Variants in ACSL4 observed in about 807,000 individuals in gnomAD.
ACSL4 encodes the protein long-chain-fatty-acid--CoA ligase 4.
In ACSL4, 9 loss-of-function variants were observed where a neutral mutation model predicts 49.1. The observed-to-expected ratio is 0.18, with a 90% CI of 0.11 to 0.32. The LOEUF is 0.32. ACSL4 is among the 10% of genes least tolerant of loss of function. ACSL4 has a pLI of 1.00. For synonymous variants in ACSL4, 191 were observed against 170.3 expected (o/e 1.12, Z -0.95); for missense variants, 333 against 493.7 (o/e 0.67, Z 3.08).
chrX:109,653,364 A>C (rs1023936956), intron 15 of ACSL4, among the ~76,000 whole-genome samples: 2 of 111,774 alleles, frequency 1.8e-5, no homozygotes, highest in Non-Finnish European at 3.8e-5. Flanking sequence ...TGGGATTGTA[A>C]ACTAGTTCAA....
intron 2 of ACSL4, chrX:109,695,544 C>A (rs183309643): frequency 9.1e-6 from 1 of 109,400 alleles, no homozygotes; most frequent in African/African-American, 3.3e-5. Context: ...TGATGAAACC[C>A]CGTCTCTACT....
chrX:109,647,194 C>A (rs1342092658), intron 15 of ACSL4, among the ~76,000 whole-genome samples: 5 of 111,484 alleles, frequency 4.5e-5, no homozygotes, highest in Non-Finnish European at 9.4e-5. Context: ...CTACAGAACT[C>A]TCCACTCCAA....
intron 15 of ACSL4, among the ~76,000 whole-genome samples, chrX:109,652,861 T>C (rs1336039221): frequency 9.0e-6 from 1 of 111,446 alleles, no homozygotes; most frequent in Non-Finnish European, 1.9e-5. Context: ...TTTATAGGTA[T>C]AAAATAAATA....
Position 109,668,271 on chromosome X carries a change from A to G in ACSL4, c.1145T>C (p.Leu382Ser), listed in dbSNP as rs1922851704. 1 of 1,193,355 alleles carries G rather than the reference A, an allele frequency of 8.4e-7. No homozygotes were observed. The highest frequency in any genetic ancestry group is 1.8e-5 in the African/African-American group (1 of 56,708). ...KGYDAPLCNL[L>S]LFKKVKALLG... ...CAGGGCCTTGACCTTTTTAAACAGTAACCTTAATAAAGGGAGGATAAATGA... is the reference window on the plus strand; with the variant it reads ...CAGGGCCTTGACCTTTTTAAACAGTGACCTTAATAAAGGGAGGATAAATGA... The change falls in exon 11 of 16, where the codon TTA (leucine) becomes TCA (serine). Residue 382 changes from leucine to serine, a missense_variant and splice_region_variant. Around this residue, in one of 3 missense-constraint regions of ACSL4, gnomAD observed 175 missense variants for 275.8 expected, o/e 0.63. Transcript: ENST00000672401.
chrX:109,701,989 C>G (rs1321940540), intron 1 of ACSL4, among the ~76,000 whole-genome samples: 1 of 104,241 alleles, frequency 9.6e-6, no homozygotes, highest in Non-Finnish European at 2.0e-5. Flanking sequence ...GTGGGTGGAT[C>G]ACCTGAGGTC....
rs1924286464 is a variant in ACSL4 at position 109,682,911 on chromosome X, C to A, written c.229-15G>T. On this transcript the variant is annotated splice_polypyrimidine_tract_variant and intron_variant, in intron 3 of 15. Transcript: ENST00000672401. ...CCAAGAATTAACTGTTAAAGTGATA[C>A]ATTCTCTAATATTAGTATATTCAAA... 1 of 1,185,474 alleles carries A rather than the reference C, an allele frequency of 8.4e-7. No individual in the cohort carries two copies. Among genetic ancestry groups the A allele is most frequent in the African/African-American group, 1.8e-5 (1 of 56,751 alleles).
intron 15 of ACSL4, 95 bp downstream of exon 15, chrX:109,659,259 T>C: frequency 1.2e-6 from 1 of 845,739 alleles, no homozygotes; most frequent in Non-Finnish European, 1.7e-6. Flanking sequence ...AATCCTGTAT[T>C]TTATTATTAA....
Position 109,659,638 on chromosome X carries a change from G to C in ACSL4, c.1698-127C>G. 8.3e-6 allele frequency: 4 copies of C among 481,639 alleles called. No individual in the cohort carries two copies. The South Asian group carries it at 1.4e-4, about 17-fold the overall frequency. 39.7% of individuals were successfully genotyped at this position (481,639 alleles called of 1,213,427 possible). A position where few individuals can be genotyped will look rare whatever the true frequency, so the allele number is the denominator to read the frequency against. On this transcript the variant is annotated intron_variant, in intron 14 of 15. Transcript: ENST00000672401. ...TCTCTTATTTATTAAAGTTTCATTA[G>C]GAAATGATAAAACCCATAGTACCAG... is the stretch of plus-strand genomic sequence containing the variant.
chrX:109,704,092 T>G (rs1215060437), intron 1 of ACSL4, among the ~76,000 whole-genome samples: 2 of 110,996 alleles, frequency 1.8e-5, no homozygotes, highest in East Asian at 5.6e-4. Flanking sequence ...TCCCTCGCAT[T>G]TCTTAGAAGT....
chrX:109,681,231 C>A, intron 5 of ACSL4, 35 bp downstream of exon 5: 1 of 1,199,508 alleles, frequency 8.3e-7, no homozygotes, highest in Non-Finnish European at 1.1e-6. Context: ...TGCCAGACAA[C>A]GCAACCATGA....
intron 8 of ACSL4, among the ~76,000 whole-genome samples, chrX:109,676,970 T>C (rs1256973727): frequency 9.0e-6 from 1 of 111,386 alleles, no homozygotes; most frequent in African/African-American, 3.3e-5. Context: ...CTTAATTTTT[T>C]TTTTTTTGAG....
intron 1 of ACSL4, among the ~76,000 whole-genome samples, chrX:109,704,947 C>T (rs765353934): frequency 1.9e-3 from 211 of 111,103 alleles, no homozygotes; most frequent in African/African-American, 6.5e-3. Flanking sequence ...CTCTCACACA[C>T]ACACACACAC....
At chrX:109,701,215 A>G (rs985944772) in intron 1 of ACSL4, among the ~76,000 whole-genome samples, 1 of 110,205 alleles carries the variant, frequency 9.1e-6, no homozygotes, top group Non-Finnish European at 1.9e-5. Context: ...TAATACACAC[A>G]TACATTTTTT....
chrX:109,689,087 T>C (rs1258782514), intron 2 of ACSL4, among the ~76,000 whole-genome samples: 2 of 111,532 alleles, frequency 1.8e-5, no homozygotes, highest in Non-Finnish European at 3.8e-5. Flanking sequence ...TCACCCAGTC[T>C]TGCCCATCTC....
At chrX:109,732,418 C>T (rs1262723366) in intron 1 of ACSL4, among the ~76,000 whole-genome samples, 1 of 111,268 alleles carries the variant, frequency 9.0e-6, no homozygotes, top group African/African-American at 3.3e-5. Flanking sequence ...TGTCTATAGA[C>T]ATCAGCCACA....
At chrX:109,670,207 T>C (rs1923057657) in intron 9 of ACSL4, among the ~76,000 whole-genome samples, 1 of 112,139 alleles carries the variant, frequency 8.9e-6, no homozygotes, top group African/African-American at 3.2e-5. Context: ...AATTAAGGTA[T>C]GCTATAATGA....
intron 15 of ACSL4, among the ~76,000 whole-genome samples, chrX:109,654,236 G>A (rs1024007629): frequency 1.8e-5 from 2 of 110,607 alleles, no homozygotes; most frequent in African/African-American, 6.6e-5. Context: ...CTTCGATTAT[G>A]TTGACAGCTT....
At chrX:109,666,385 G>T (rs1443182321) in intron 11 of ACSL4, among the ~76,000 whole-genome samples, 2 of 111,901 alleles carry the variant, frequency 1.8e-5, no homozygotes, top group Non-Finnish European at 3.8e-5. Flanking sequence ...ATAAGAAACA[G>T]TAAGAAGACT....
chrX:109,709,205 A>G lies in ACSL4; in HGVS notation c.-65-13009T>C, dbSNP rs151083457. On this transcript the variant is annotated intron_variant, in intron 1 of 15. Coordinates refer to ENST00000672401, the MANE Select transcript of ACSL4 (RefSeq NM_001318510.2). ...AACTCAAGCAAAAGGAACCAAATGAATATCATTCCTTTGATGTCTGTGATT... is the reference window on the plus strand; with the variant it reads ...AACTCAAGCAAAAGGAACCAAATGAGTATCATTCCTTTGATGTCTGTGATT... Among the ~76,000 whole-genome samples, 896 of 112,088 alleles carry G rather than the reference A, an allele frequency of 8.0e-3. 10 individuals carry two copies. The highest frequency in any genetic ancestry group is 0.026 in the African/African-American group (797 of 30,862).
Sources: gnomAD v4.1 joint callset for allele counts (sites outside exome capture counted in the v4.1 genomes callset) on GRCh38, gnomAD v4.1.1 for gene constraint, gnomAD v4.1.1 regional missense constraint, MANE v1.5 for transcripts, NCBI Gene and HGNC (gene_info 2026-07-23, HGNC 2026-07-21) for gene names.